The following RGS22 variants were observed in gnomAD, a reference collection of about 807,000 sequenced individuals.
RGS22 encodes regulator of G protein signaling 22.
RGS22 carries 148 observed loss-of-function variants against 172.9 expected under a neutral mutation model. The ratio of observed to expected loss-of-function variants is 0.86; its 90% CI spans 0.75 to 0.98. RGS22 has a LOEUF of 0.98. Ranked by LOEUF, RGS22 falls within the 50% of genes least tolerant of loss-of-function variation. RGS22 has a pLI of 0.00. For missense variants in RGS22, 1,347 were observed against 1,440.8 expected, an observed-to-expected ratio of 0.93 and a Z score of 1.05; for synonymous variants, 458 against 480.2, an observed-to-expected ratio of 0.95 and a Z score of 0.60.
intron 11 of RGS22, among the ~76,000 whole-genome samples, chr8:100,046,746 T>C (rs1820763718): frequency 6.6e-6 from 1 of 151,728 alleles, no homozygotes; most frequent in Non-Finnish European, 1.5e-5. Context: ...CTTCGGCATT[T>C]GAGGCTGCTT....
chr8:100,047,105 G>A lies in RGS22; in HGVS notation c.1823+358C>T, dbSNP rs78762334. 9.2e-3 allele frequency among the ~76,000 whole-genome samples: 1,403 copies of A among 152,230 alleles called. 23 individuals carry two copies. Among genetic ancestry groups the A allele is most frequent in the African/African-American group, 0.032 (1,309 of 41,546 alleles). Reference sequence around the variant, plus strand: ...GCTGCGATTACAGCTCTGAGCCACCGTGTCTGGTCAGTAACAATATTCTTG... The same window carrying A: ...GCTGCGATTACAGCTCTGAGCCACCATGTCTGGTCAGTAACAATATTCTTG... On this transcript the variant is annotated intron_variant, in intron 11 of 27. Transcript: ENST00000360863.
chr8:100,047,549 T>C lies in RGS22; in HGVS notation c.1737A>G (p.Ser579=). The C allele has an allele frequency of 6.2e-7, 1 of 1,613,258 alleles. No homozygotes were observed. The highest frequency in any genetic ancestry group is 8.5e-7 in the Non-Finnish European group (1 of 1,179,626). ...LSQPPKSPNK[S]PEVKTATQKP... ...TTTGAGTTGCTGTTTTTACTTCAGG[T>C]GATTTATTGGGAGATTTAGGAGGTT... The change falls in exon 11 of 28, where the codon TCA becomes TCG. Residue 579 remains serine (S), a synonymous_variant. Transcript: ENST00000360863.
At chr8:100,033,281 AAAG>A (rs1465313603) in intron 14 of RGS22, among the ~76,000 whole-genome samples, 1 of 152,200 alleles carries the variant, frequency 6.6e-6, no homozygotes, top group Non-Finnish European at 1.5e-5. Context: ...CAAGACTAAT[AAAG>A]AAGAAAAGAG....
At chr8:100,031,144 A>G (rs1818750194) in intron 14 of RGS22, among the ~76,000 whole-genome samples, 1 of 152,188 alleles carries the variant, frequency 6.6e-6, no homozygotes, top group South Asian at 2.1e-4. Context: ...AAAATGTAAA[A>G]CATTATCACT....
chr8:100,074,992 G>A (rs957845466), intron 4 of RGS22, among the ~76,000 whole-genome samples: 2 of 152,068 alleles, frequency 1.3e-5, no homozygotes, highest in Admixed American at 6.5e-5. Context: ...GGATGGTCTC[G>A]ATCTCCTGAC....
At position 99,982,029 on chromosome 8, in the gene RGS22, G is replaced by A. The variant is rs200325406; in HGVS notation, c.3268C>T (p.Pro1090Ser). ...INCFINSSIPPALQIDIPVEQ... is the reference protein window; with the variant it reads ...INCFINSSIPSALQIDIPVEQ... Reference sequence around the variant, plus strand: ...ACTGGAATGTCAATTTGTAAAGCTGGTGGAATACTGGAATTAATAAAGCAG... The same window carrying A: ...ACTGGAATGTCAATTTGTAAAGCTGATGGAATACTGGAATTAATAAAGCAG... The change falls in exon 22 of 28, where the codon CCA (proline) becomes TCA (serine). Residue 1090 changes from proline to serine, a missense_variant. By Grantham distance (74) the Pro-to-Ser change is moderately conservative (BLOSUM62 -1). Transcript: ENST00000360863. The A allele has an allele frequency of 1.2e-5, 20 of 1,613,692 alleles. No homozygotes were observed. The highest frequency in any genetic ancestry group is 1.7e-5 in the Non-Finnish European group (20 of 1,179,760).
At chr8:100,031,988 G>A (rs958502914) in intron 14 of RGS22, among the ~76,000 whole-genome samples, 3 of 152,026 alleles carry the variant, frequency 2.0e-5, no homozygotes, top group Non-Finnish European at 4.4e-5. Context: ...GTCACCACCA[G>A]GCCTGCCTTA....
intron 23 of RGS22, among the ~76,000 whole-genome samples, chr8:99,971,415 T>C (rs1303228142): frequency 2.0e-5 from 3 of 152,152 alleles, no homozygotes; most frequent in Admixed American, 6.5e-5. Flanking sequence ...GGTATTCAAA[T>C]AGGAAGAGAG....
At position 99,962,405 on chromosome 8, in the gene RGS22, C is replaced by G. The variant is rs1393000592; in HGVS notation, c.*34G>C. 6.2e-7 allele frequency: 1 copy of G among 1,611,940 alleles called. No individual in the cohort carries two copies. The highest frequency in any genetic ancestry group is 2.2e-5 in the East Asian group (1 of 44,892). ...AGACTATGACGTACCTTGAACCTATCAGCAGCAGGATGTAAACATTCACAA... is the reference window on the plus strand; with the variant it reads ...AGACTATGACGTACCTTGAACCTATGAGCAGCAGGATGTAAACATTCACAA... On this transcript the variant is annotated 3_prime_UTR_variant, in exon 27 of 28. Coordinates refer to ENST00000360863, the MANE Select transcript of RGS22 (RefSeq NM_015668.5).
At chr8:99,976,350 TTTTG>T (rs532250376) in intron 23 of RGS22, among the ~76,000 whole-genome samples, 124 of 152,170 alleles carry the variant, frequency 8.1e-4, no homozygotes, top group Middle Eastern at 3.4e-3. Context: ...AAACACTGTC[TTTTG>T]TTTGTTTGTT....
At chr8:100,060,402 G>GTATATATATATATATATATA (rs72050805) in intron 9 of RGS22, among the ~76,000 whole-genome samples, 2,164 of 102,394 alleles carry the variant, frequency 0.021, 140 homozygotes, top group Admixed American at 0.03. Flanking sequence ...TTAGCTACGT[G>GTATATATATATATATATATA]TATATATATA....
intron 14 of RGS22, among the ~76,000 whole-genome samples, chr8:100,015,616 C>A (rs1816865759): frequency 6.6e-6 from 1 of 152,020 alleles, no homozygotes; most frequent in South Asian, 2.1e-4. Flanking sequence ...AATAATATAC[C>A]ATTCATAGTA....
chr8:100,031,335 G>T (rs1303375867), intron 14 of RGS22, among the ~76,000 whole-genome samples: 1 of 151,954 alleles, frequency 6.6e-6, no homozygotes, highest in African/African-American at 2.4e-5. Context: ...AAATAACAGT[G>T]TGTTACCCTG....
intron 19 of RGS22, among the ~76,000 whole-genome samples, chr8:99,997,913 AGATG>A (rs1205576946): frequency 1.3e-5 from 2 of 152,214 alleles, no homozygotes; most frequent in Non-Finnish European, 2.9e-5. Context: ...AAACATAAAC[AGATG>A]GATGGATGGA....
chr8:99,984,788 GACACACAC>G (rs111285438), intron 21 of RGS22, among the ~76,000 whole-genome samples: 3 of 139,630 alleles, frequency 2.1e-5, no homozygotes, highest in African/African-American at 7.8e-5. Flanking sequence ...AGTCTTTACG[GACACACAC>G]ACACACACAC....
At position 99,961,130 on chromosome 8, in the gene RGS22, A is replaced by G; in HGVS notation, c.*112T>C. On this transcript the variant is annotated 3_prime_UTR_variant, in exon 28 of 28. Coordinates refer to ENST00000360863, the MANE Select transcript of RGS22 (RefSeq NM_015668.5). ...TTATTTAGATGTTAGGCTTGCTCTGATACAGACCTTCAAAAAAACAAATCA... is the reference window on the plus strand; with the variant it reads ...TTATTTAGATGTTAGGCTTGCTCTGGTACAGACCTTCAAAAAAACAAATCA... 2 of 448,362 alleles carry G rather than the reference A, an allele frequency of 4.5e-6. No homozygotes were observed. The highest frequency in any genetic ancestry group is 3.2e-5 in the South Asian group (2 of 61,710). 27.8% of individuals were successfully genotyped at this position (448,362 alleles called of 1,614,324 possible).
intron 14 of RGS22, among the ~76,000 whole-genome samples, chr8:100,035,895 G>T (rs1261894189): frequency 6.6e-6 from 1 of 152,148 alleles, no homozygotes; most frequent in Non-Finnish European, 1.5e-5. Context: ...ACTCATAGGT[G>T]GGAATTGAAC....
intron 14 of RGS22, among the ~76,000 whole-genome samples, chr8:100,010,889 C>T (rs1816307380): frequency 1.3e-5 from 2 of 151,564 alleles, no homozygotes; most frequent in East Asian, 1.9e-4. Flanking sequence ...AGCAATCTGC[C>T]CACCTTGACA....
At chr8:100,054,886 G>A (rs781013120) in intron 9 of RGS22, among the ~76,000 whole-genome samples, 2 of 152,194 alleles carry the variant, frequency 1.3e-5, no homozygotes, top group Non-Finnish European at 2.9e-5. Flanking sequence ...CATGGCCCAT[G>A]GTGATGGTGG....
Sources: gnomAD v4.1 joint callset for allele counts (sites outside exome capture counted in the v4.1 genomes callset) on GRCh38, gnomAD v4.1.1 for gene constraint, MANE v1.5 for transcripts, NCBI Gene and HGNC (gene_info 2026-07-23, HGNC 2026-07-21) for gene names.